Variants in COBLL1 observed in about 807,000 individuals in gnomAD.
COBLL1 encodes cordon-bleu protein-like 1.
A neutral mutation model predicts 94.8 loss-of-function variants in COBLL1; 50 were observed. That is an observed-to-expected ratio of 0.53 (90% CI 0.42 to 0.67). The LOEUF is 0.67. COBLL1 is among the 30% of genes least tolerant of loss of function. The pLI is 0.00. For missense variants in COBLL1, 1,362 were observed against 1,348.7 expected, an observed-to-expected ratio of 1.01 and a Z score of -0.15; for synonymous variants, 448 against 473.8, an observed-to-expected ratio of 0.95 and a Z score of 0.71.
rs1183965588 is a variant in COBLL1, at chr2:164,680,688, T to A, written c.*5258A>T. 6.6e-6 allele frequency: 1 copy of A among 152,170 alleles called. No homozygotes were observed. Among genetic ancestry groups the A allele is most frequent in the Non-Finnish European group, 1.5e-5 (1 of 68,020 alleles). 9.4% of individuals were successfully genotyped at this position (152,170 alleles called of 1,614,324 possible). On this transcript the variant is annotated 3_prime_UTR_variant, in exon 14 of 14. Transcript: ENST00000652658. ...AAAAATACAGGATGCCTAGTTAGCTTGAACGTCAGATAAACAATATAAAAA... is the reference window on the plus strand; with the variant it reads ...AAAAATACAGGATGCCTAGTTAGCTAGAACGTCAGATAAACAATATAAAAA...
chr2:164,791,830 A>C lies in COBLL1; in HGVS notation c.42-47955T>G, dbSNP rs1014664044. ...CACAGGTGAGGTTCTGCTGCTCCAA[A>C]TTGCCAACCTTTATATACGTATCAA... On this transcript the variant is annotated intron_variant, in intron 2 of 13. Transcript: ENST00000652658. Among the ~76,000 whole-genome samples the C allele has an allele frequency of 7.9e-5, 12 of 151,724 alleles. No individual in the cohort carries two copies. In the East Asian group the frequency reaches 1.2e-3, roughly 15 times the overall value.
At chr2:164,796,931 C>T (rs1683492633) in intron 2 of COBLL1, among the ~76,000 whole-genome samples, 1 of 152,042 alleles carries the variant, frequency 6.6e-6, no homozygotes, top group Non-Finnish European at 1.5e-5. Flanking sequence ...GCTATAATTG[C>T]ACCACTGCAC....
At chr2:164,704,847 C>T (rs1032914698) in intron 8 of COBLL1, 105 bp downstream of exon 8, 12 of 1,196,014 alleles carry the variant, frequency 1.0e-5, no homozygotes. Flanking sequence ...TTTAAAAAGC[C>T]TAAGTATTAT....
intron 2 of COBLL1, among the ~76,000 whole-genome samples, chr2:164,839,300 T>C (rs1024983842): frequency 2.6e-5 from 4 of 152,206 alleles, no homozygotes; most frequent in African/African-American, 9.7e-5. Flanking sequence ...AACCTTTAAA[T>C]TCTCAAAAGT....
At chr2:164,734,306 C>T (rs991434767) in intron 3 of COBLL1, among the ~76,000 whole-genome samples, 6 of 151,246 alleles carry the variant, frequency 4.0e-5, no homozygotes, top group Admixed American at 1.3e-4. Flanking sequence ...GGGATATCTG[C>T]GGAAAGATAG....
intron 2 of COBLL1, among the ~76,000 whole-genome samples, chr2:164,762,394 C>A (rs949695220): frequency 6.6e-6 from 1 of 152,156 alleles, no homozygotes; most frequent in Admixed American, 6.5e-5. Flanking sequence ...ATCTACTGTA[C>A]CACAGATGAA....
intron 9 of COBLL1, among the ~76,000 whole-genome samples, chr2:164,701,895 G>A (rs964936396): frequency 6.8e-6 from 1 of 147,710 alleles, no homozygotes; most frequent in Non-Finnish European, 1.5e-5. Flanking sequence ...GATGTGGTGG[G>A]AGGGGGGGGC....
rs1337232484 is a variant in COBLL1, at chr2:164,826,899, T to A, written c.41+14257A>T. ...TAAAGTTTTTTGTCTTTGTTTCGTT[T>A]TTTTTTTTGTTTCTCTCTCTTTTTT... is the stretch of plus-strand genomic sequence containing the variant. On this transcript the variant is annotated intron_variant, in intron 2 of 13. Transcript: ENST00000652658. Among the ~76,000 whole-genome samples the A allele has an allele frequency of 4.6e-5, 7 of 151,638 alleles. No individual in the cohort carries two copies. The South Asian group carries it at 8.4e-4, about 18-fold the overall frequency.
intron 2 of COBLL1, among the ~76,000 whole-genome samples, chr2:164,818,647 A>AACATATATAGCGTATATGTACATATGTAC (rs1559046762): frequency 2.7e-5 from 4 of 147,354 alleles, no homozygotes; most frequent in African/African-American, 7.5e-5. Context: ...TACATATGTA[A>AACATATATAGCGTATATGTACATATGTAC]ACATATATAG....
At chr2:164,811,140 T>C (rs1162498403) in intron 2 of COBLL1, among the ~76,000 whole-genome samples, 1 of 151,914 alleles carries the variant, frequency 6.6e-6, no homozygotes, top group African/African-American at 2.4e-5. Context: ...CAGTTCTGAA[T>C]CTGAACAAGT....
chr2:164,838,226 G>A (rs1858104), intron 2 of COBLL1, among the ~76,000 whole-genome samples: 19,951 of 152,150 alleles, frequency 0.13, 1,856 homozygotes, highest in Admixed American at 0.28. Context: ...TCACAATGTC[G>A]TAGAATGCTA....
At chr2:164,800,755 A>G (rs934044301) in intron 2 of COBLL1, among the ~76,000 whole-genome samples, 1 of 152,234 alleles carries the variant, frequency 6.6e-6, no homozygotes, top group Non-Finnish European at 1.5e-5. Flanking sequence ...CGTAAAAGTT[A>G]GATGAATCTC....
At chr2:164,828,798 T>G (rs1290402053) in intron 2 of COBLL1, among the ~76,000 whole-genome samples, 1 of 152,242 alleles carries the variant, frequency 6.6e-6, no homozygotes, top group Non-Finnish European at 1.5e-5. Flanking sequence ...TTTGAAAGAC[T>G]TAGAATCATA....
At chr2:164,830,036 A>C (rs1373049021) in intron 2 of COBLL1, among the ~76,000 whole-genome samples, 1 of 152,242 alleles carries the variant, frequency 6.6e-6, no homozygotes, top group East Asian at 1.9e-4. Flanking sequence ...AACCATCCAC[A>C]ATGGTTCAGC....
chr2:164,787,999 T>C (rs1462361549), intron 2 of COBLL1, among the ~76,000 whole-genome samples: 2 of 152,168 alleles, frequency 1.3e-5, no homozygotes, highest in Non-Finnish European at 2.9e-5. Context: ...AACAGACACT[T>C]GTCAGATGCT....
intron 2 of COBLL1, among the ~76,000 whole-genome samples, chr2:164,774,456 T>G (rs183342221): frequency 1.3e-5 from 2 of 152,318 alleles, no homozygotes; most frequent in East Asian, 1.9e-4. Flanking sequence ...TAAATCAAAG[T>G]GCATCTTTGC....
intron 1 of COBLL1, among the ~76,000 whole-genome samples, chr2:164,672,789 G>A (rs1691267168): frequency 6.7e-6 from 1 of 149,888 alleles, no homozygotes; most frequent in African/African-American, 2.5e-5. Context: ...TTCATTATAT[G>A]TTTTCTGGAA....
intron 2 of COBLL1, chr2:164,800,678 A>G (rs1211982626): frequency 1.4e-5 from 9 of 640,120 alleles, no homozygotes. Flanking sequence ...GTGAATGGAT[A>G]AAGAAACTGC....
downstream of COBLL1, among the ~76,000 whole-genome samples, chr2:164,675,259 T>C (rs116266637): frequency 2.5e-3 from 377 of 152,314 alleles, 2 homozygotes; most frequent in African/African-American, 8.5e-3. Context: ...CACCGTTGTC[T>C]CATACCACAG....
Sources: gnomAD v4.1 joint callset for allele counts (sites outside exome capture counted in the v4.1 genomes callset) on GRCh38, gnomAD v4.1.1 for gene constraint, MANE v1.5 for transcripts, NCBI Gene and HGNC (gene_info 2026-07-23, HGNC 2026-07-21) for gene names.